KHDRBS2: variants seen among roughly 807,000 people sequenced by gnomAD.
KHDRBS2 encodes KH domain-containing, RNA-binding, signal transduction-associated protein 2.
A neutral mutation model predicts 44.3 loss-of-function variants in KHDRBS2; 26 were observed. The observed-to-expected ratio is 0.59, with a 90% CI of 0.43 to 0.81. The LOEUF is 0.81. Among genes scored for constraint, KHDRBS2 ranks in the 40% least tolerant of loss-of-function variants. The probability of loss-of-function intolerance (pLI) is 0.00; values close to 1 mark genes in which losing one functional copy is unlikely to be tolerated. For missense variants in KHDRBS2, 476 were observed against 433.1 expected (o/e 1.10, Z -0.88); for synonymous variants, 194 against 151.1 (o/e 1.28, Z -2.08).
chr6:61,653,613 CAGAGAGAGAGAG>C, the KHDRBS2 span, among the ~76,000 whole-genome samples: 4 of 148,844 alleles, frequency 2.7e-5, no homozygotes, highest in African/African-American at 9.9e-5. Context: ...AACTGAGAGA[CAGAGAGAGAGAG>C]AGAGAGAGAG....
rs1338724524 is a variant in KHDRBS2, at chr6:62,221,535, T to C, written c.92-44223A>G. Among the ~76,000 whole-genome samples the C allele has an allele frequency of 4.6e-5, 7 of 152,266 alleles. No individual in the cohort carries two copies. The East Asian group carries it at 9.6e-4, about 21-fold the overall frequency. ...TTGCTTCATTCTATTAACCATTTTG[T>C]TATCTACATGTATCTGATAACACCA... is the stretch of plus-strand genomic sequence containing the variant. On this transcript the variant is annotated intron_variant, in intron 1 of 8. Coordinates refer to ENST00000281156, the MANE Select transcript of KHDRBS2 (RefSeq NM_152688.4).
chr6:61,758,913 T>C (rs1351189583), intron 6 of KHDRBS2, among the ~76,000 whole-genome samples: 3 of 152,144 alleles, frequency 2.0e-5, no homozygotes, highest in Non-Finnish European at 2.9e-5. Context: ...TAATGTGCCA[T>C]ATTTACCACA....
At chr6:62,169,167 A>ACACG (rs1562991873) in intron 2 of KHDRBS2, among the ~76,000 whole-genome samples, 10 of 84,706 alleles carry the variant, frequency 1.2e-4, no homozygotes, top group African/African-American at 1.3e-4. Flanking sequence ...ACGTACACAT[A>ACACG]TATGTATATA....
intron 6 of KHDRBS2, among the ~76,000 whole-genome samples, chr6:61,793,856 T>C (rs964879712): frequency 1.6e-4 from 24 of 152,098 alleles, no homozygotes; most frequent in African/African-American, 5.6e-4. Flanking sequence ...AAAAAGATGA[T>C]AATCGTCAAC....
At chr6:62,096,957 T>C (rs1234512710) in intron 2 of KHDRBS2, among the ~76,000 whole-genome samples, 1 of 151,942 alleles carries the variant, frequency 6.6e-6, no homozygotes, top group African/African-American at 2.4e-5. Context: ...TCTCAGTAAA[T>C]ATTTTAATTT....
intron 8 of KHDRBS2, among the ~76,000 whole-genome samples, chr6:61,686,230 C>T (rs1188850794): frequency 1.3e-5 from 2 of 151,666 alleles, no homozygotes; most frequent in Non-Finnish European, 3.0e-5. Context: ...CACTGTAAAT[C>T]AATATGCAAA....
intron 1 of KHDRBS2, among the ~76,000 whole-genome samples, chr6:62,269,982 A>G (rs1839810228): frequency 6.6e-6 from 1 of 152,180 alleles, no homozygotes; most frequent in Non-Finnish European, 1.5e-5. Flanking sequence ...GGAAGAGTAT[A>G]CACTACATTA....
intron 1 of KHDRBS2, among the ~76,000 whole-genome samples, chr6:62,213,412 G>A (rs934505802): frequency 6.6e-6 from 1 of 152,102 alleles, no homozygotes; most frequent in African/African-American, 2.4e-5. Flanking sequence ...TCCAGCAGAG[G>A]GGGGATCATG....
chr6:61,823,478 T>C (rs1244656493), intron 6 of KHDRBS2, among the ~76,000 whole-genome samples: 1 of 152,066 alleles, frequency 6.6e-6, no homozygotes, highest in African/African-American at 2.4e-5. Flanking sequence ...ATTTATCTGA[T>C]GGTTAAAGAC....
chr6:62,223,285 T>C (rs1010827184), intron 1 of KHDRBS2, among the ~76,000 whole-genome samples: 5 of 152,186 alleles, frequency 3.3e-5, no homozygotes, highest in African/African-American at 1.2e-4. Context: ...GAAGCTATGG[T>C]GCGAGCTCTG....
intron 6 of KHDRBS2, among the ~76,000 whole-genome samples, chr6:61,773,337 C>G (rs1479426806): frequency 1.3e-5 from 2 of 152,052 alleles, no homozygotes; most frequent in Non-Finnish European, 2.9e-5. Context: ...GCCATTCTAA[C>G]TGGTGTGAGA....
At chr6:61,763,309 C>A (rs1361763897) in intron 6 of KHDRBS2, among the ~76,000 whole-genome samples, 1 of 152,112 alleles carries the variant, frequency 6.6e-6, no homozygotes, top group Non-Finnish European at 1.5e-5. Flanking sequence ...ATTGGATAAA[C>A]AAATGTTTAT....
intron 3 of KHDRBS2, among the ~76,000 whole-genome samples, chr6:62,022,516 T>A (rs1782537976): frequency 6.6e-6 from 1 of 151,784 alleles, no homozygotes; most frequent in African/African-American, 2.4e-5. Flanking sequence ...GCAAATTATT[T>A]GTGTACTATA....
the KHDRBS2 span, among the ~76,000 whole-genome samples, chr6:61,550,783 T>C: frequency 6.7e-3 from 997 of 149,164 alleles, 11 homozygotes; most frequent in African/African-American, 0.023. Flanking sequence ...TTTTTTTTTT[T>C]CTGTTTTTGA....
At chr6:61,587,160 C>G in the KHDRBS2 span, among the ~76,000 whole-genome samples, 1 of 152,192 alleles carries the variant, frequency 6.6e-6, no homozygotes, top group Non-Finnish European at 1.5e-5. Flanking sequence ...AATGAGGAAG[C>G]AGCCACAGCT....
chr6:62,070,402 A>T (rs1394706297), intron 2 of KHDRBS2, among the ~76,000 whole-genome samples: 1 of 151,398 alleles, frequency 6.6e-6, no homozygotes, highest in Non-Finnish European at 1.5e-5. Context: ...GGTTTGTTAC[A>T]TATATATACA....
intron 2 of KHDRBS2, among the ~76,000 whole-genome samples, chr6:62,058,143 A>G (rs948059129): frequency 1.3e-5 from 2 of 151,886 alleles, no homozygotes; most frequent in Non-Finnish European, 2.9e-5. Context: ...GTCCTTTCTC[A>G]AATAAGATAG....
chr6:61,576,292 T>A, the KHDRBS2 span, among the ~76,000 whole-genome samples: 1 of 152,072 alleles, frequency 6.6e-6, no homozygotes, highest in Non-Finnish European at 1.5e-5. Flanking sequence ...CTTGTGTAGA[T>A]CCTTCACCCC....
chr6:62,164,030 A>T (rs1326254119), intron 2 of KHDRBS2, among the ~76,000 whole-genome samples: 1 of 151,594 alleles, frequency 6.6e-6, no homozygotes, highest in Non-Finnish European at 1.5e-5. Context: ...TAAAACGTGC[A>T]TTTTTTTTCA....
Sources: gnomAD v4.1 joint callset for allele counts (sites outside exome capture counted in the v4.1 genomes callset) on GRCh38, gnomAD v4.1.1 for gene constraint, MANE v1.5 for transcripts, NCBI Gene and HGNC (gene_info 2026-07-23, HGNC 2026-07-21) for gene names.